The following PLA2G6 variants were observed in gnomAD, a reference collection of about 807,000 sequenced individuals.
PLA2G6 encodes the protein phospholipase A2 group VI, also known as 85/88 kDa calcium-independent phospholipase A2.
PLA2G6 carries 62 observed loss-of-function variants against 83.8 expected under a neutral mutation model. The observed-to-expected ratio is 0.74, with a 90% CI of 0.60 to 0.91. PLA2G6 has a LOEUF of 0.91. PLA2G6 is among the 40% of genes least tolerant of loss of function. The pLI is 0.00. For synonymous variants in PLA2G6, 417 were observed against 449.8 expected (o/e 0.93, Z 0.92); for missense variants, 944 against 1,102.0 (o/e 0.86, Z 2.03).
chr22:38,171,363 TTTG>T (rs1334475941), intron 1 of PLA2G6, among the ~76,000 whole-genome samples: 7 of 152,074 alleles, frequency 4.6e-5, no homozygotes, highest in Admixed American at 1.3e-4. Flanking sequence ...TAAAAATGTT[TTTG>T]TTGTTGTTGT....
chr22:38,126,201 C>A, intron 10 of PLA2G6, 170 bp downstream of exon 10: 1 of 694,416 alleles, frequency 1.4e-6, no homozygotes, highest in East Asian at 2.7e-5. Flanking sequence ...GAACGAGCGA[C>A]ACAGGCTCTC....
At chr22:38,133,567 T>A (rs925715547) in intron 6 of PLA2G6, 1 of 157,442 alleles carries the variant, frequency 6.4e-6, no homozygotes, top group African/African-American at 2.4e-5. Flanking sequence ...CCTCACAGCA[T>A]GTGATGACAA....
At chr22:38,137,094 C>G (rs533291005) in intron 5 of PLA2G6, 1 of 152,224 alleles carries the variant, frequency 6.6e-6, no homozygotes, top group South Asian at 2.1e-4. Context: ...GTGAAATAGC[C>G]CACATGAAGG....
intron 10 of PLA2G6, among the ~76,000 whole-genome samples, chr22:38,126,016 T>C (rs1351060026): frequency 6.6e-6 from 1 of 152,062 alleles, no homozygotes; most frequent in African/African-American, 2.4e-5. Context: ...AGGAAGCCAG[T>C]AGGAGCAGTG....
rs587784332 is a variant in PLA2G6, at chr22:38,123,185, C to G, written c.1501G>C (p.Glu501Gln). 6 of 1,552,570 alleles carry G rather than the reference C, an allele frequency of 3.9e-6. No homozygotes were observed. Among genetic ancestry groups the G allele is most frequent in the Non-Finnish European group, 5.2e-6 (6 of 1,148,078 alleles). ...LIIIQLLIAI[E>Q]KASGVATKDL... is the part of the protein sequence containing the mutation. ...TTGGTGGCCACACCCGAGGCCTTCTCGATGGCGATGAGGAGCTGGATGATG... is the reference window on the plus strand; with the variant it reads ...TTGGTGGCCACACCCGAGGCCTTCTGGATGGCGATGAGGAGCTGGATGATG... The change falls in exon 11 of 17, where the codon GAG becomes CAG. Residue 501 changes from glutamate to glutamine, a missense_variant. By Grantham distance (29) the Glu-to-Gln change is conservative (BLOSUM62 2). Transcript: ENST00000332509. The surrounding 1 kb of genome is among the most constrained non-coding windows in gnomAD (Gnocchi z 4.1).
intron 2 of PLA2G6, among the ~76,000 whole-genome samples, chr22:38,168,847 CA>C (rs1569299551): frequency 6.6e-6 from 1 of 151,896 alleles, no homozygotes; most frequent in Non-Finnish European, 1.5e-5. Flanking sequence ...AAGACTGTCT[CA>C]AAAAACAAAA....
intron 12 of PLA2G6, among the ~76,000 whole-genome samples, chr22:38,118,232 G>A (rs2087323571): frequency 1.3e-5 from 2 of 152,184 alleles, no homozygotes; most frequent in African/African-American, 4.8e-5. Context: ...ACGTGGTCAG[G>A]CAGTGTTGAT....
intron 2 of PLA2G6, chr22:38,146,636 A>T (rs1485506910): frequency 6.6e-6 from 1 of 152,174 alleles, no homozygotes; most frequent in Non-Finnish European, 1.5e-5. Context: ...CCCTCTTCAT[A>T]GTAGGAACTA....
In PLA2G6 at chr22:38,128,108, G is replaced by C; in HGVS notation, c.1348+161C>G. 1 of 697,672 alleles carries C rather than the reference G, an allele frequency of 1.4e-6. No homozygotes were observed. The highest frequency in any genetic ancestry group is 2.5e-6 in the Non-Finnish European group (1 of 401,692). 43.2% of individuals were successfully genotyped at this position (697,672 alleles called of 1,614,324 possible). On this transcript the variant is annotated intron_variant, in intron 9 of 16. Coordinates refer to ENST00000332509, the MANE Select transcript of PLA2G6 (RefSeq NM_003560.4). This position sits in a 1 kb window ranked among gnomAD's most constrained non-coding sequence, Gnocchi z 4.4. ...GGGACACCCTAGGCCTCTGGGATCT[G>C]TGGGTTGCTGGCTGCCTAGAGGCTG...
intron 1 of PLA2G6, among the ~76,000 whole-genome samples, chr22:38,174,624 G>A (rs1188283182): frequency 2.6e-5 from 4 of 152,220 alleles, no homozygotes; most frequent in Admixed American, 6.5e-5. Flanking sequence ...AACTTTCCAG[G>A]AAGAACAGGA....
At chr22:38,158,957 G>A (rs868458458) in intron 2 of PLA2G6, among the ~76,000 whole-genome samples, 1 of 152,166 alleles carries the variant, frequency 6.6e-6, no homozygotes, top group Non-Finnish European at 1.5e-5. Flanking sequence ...CCAGCACTTT[G>A]GGAGGCCGAG....
intron 11 of PLA2G6, among the ~76,000 whole-genome samples, chr22:38,121,530 A>T (rs967667644): frequency 2.0e-5 from 3 of 152,236 alleles, no homozygotes; most frequent in African/African-American, 7.2e-5. Flanking sequence ...AGCCTTCAGA[A>T]CAGACAGGGC....
intron 1 of PLA2G6, among the ~76,000 whole-genome samples, chr22:38,177,164 T>C (rs1444826555): frequency 6.6e-6 from 1 of 152,148 alleles, no homozygotes; most frequent in Non-Finnish European, 1.5e-5. Flanking sequence ...CCTGCCTATG[T>C]CCTCTGACTC....
At position 38,132,616 on chromosome 22, in the gene PLA2G6, C is replaced by A. The variant is rs2145768966; in HGVS notation, c.1077+215G>T. On this transcript the variant is annotated intron_variant, in intron 7 of 16. Transcript: ENST00000332509. This position sits in a 1 kb window ranked among gnomAD's most constrained non-coding sequence, Gnocchi z 5.0. Reference sequence around the variant, plus strand: ...GGGGGCACAGGTGGAAAAGGTACCACAGCACACAGGAGGTGGTGTTATTTT... The same window carrying A: ...GGGGGCACAGGTGGAAAAGGTACCAAAGCACACAGGAGGTGGTGTTATTTT... 1 of 594,276 alleles carries A rather than the reference C, an allele frequency of 1.7e-6. No homozygotes were observed. 36.8% of individuals were successfully genotyped at this position (594,276 alleles called of 1,614,324 possible).
At position 38,113,551 on chromosome 22, in the gene PLA2G6, T is replaced by G; in HGVS notation, c.2138A>C (p.Asn713Thr). 6.2e-7 allele frequency: 1 copy of G among 1,613,694 alleles called. No homozygotes were observed. The highest frequency in any genetic ancestry group is 8.5e-7 in the Non-Finnish European group (1 of 1,179,884). ...VTCVDVFRPS[N>T]PWELAKTVFG... ...AACAGTCTTGGCCAGCTCCCAGGGGTTGCTGGGACGGAAGACATCCACACA... is the reference window on the plus strand; with the variant it reads ...AACAGTCTTGGCCAGCTCCCAGGGGGTGCTGGGACGGAAGACATCCACACA... Residue 713 changes from asparagine to threonine, a missense_variant, in exon 15 of 17, where the codon AAC (asparagine) becomes ACC (threonine). Asn to Thr is a moderately conservative substitution (Grantham distance 65, BLOSUM62 0). Transcript: ENST00000332509.
chr22:38,112,382 G>T, intron 16 of PLA2G6, 77 bp from the exon 17 acceptor site: 1 of 1,561,398 alleles, frequency 6.4e-7, no homozygotes. Flanking sequence ...ACCAGGGTGG[G>T]CTTGGGGAAC....
intron 12 of PLA2G6, among the ~76,000 whole-genome samples, chr22:38,119,232 C>T (rs184456843): frequency 2.6e-5 from 4 of 152,134 alleles, no homozygotes; most frequent in Non-Finnish European, 5.9e-5. Context: ...CTCTGTGGTC[C>T]GGGCACAGAG....
intron 2 of PLA2G6, chr22:38,148,528 A>C (rs1316921712): frequency 2.8e-6 from 2 of 717,190 alleles, no homozygotes; most frequent in Non-Finnish European, 5.2e-6. Flanking sequence ...CAGGAATTGC[A>C]GTGTTCAGGT....
chr22:38,141,238 C>G (rs1163302744), intron 4 of PLA2G6: 1 of 152,302 alleles, frequency 6.6e-6, no homozygotes, highest in African/African-American at 2.4e-5. Flanking sequence ...AGCCTGTAGT[C>G]CCAGCTGCTC....
Sources: allele counts gnomAD v4.1 joint callset (sites outside exome capture counted in the v4.1 genomes callset), GRCh38; gene constraint gnomAD v4.1.1; non-coding constraint Gnocchi (gnomAD v3.1); transcripts MANE v1.5; gene names NCBI Gene and HGNC (gene_info 2026-07-23, HGNC 2026-07-21).